The following RECQL4 variants were observed in gnomAD, a reference collection of about 807,000 sequenced individuals.
RECQL4 encodes the protein RecQ like helicase 4.
Under a neutral mutation model 128.6 loss-of-function variants are expected in RECQL4, and 158 were observed. That is an observed-to-expected ratio of 1.23 (90% CI 1.08 to 1.40). RECQL4 has a LOEUF of 1.40. Ranked by LOEUF, RECQL4 falls within the 40% of genes most tolerant of loss-of-function variation. The probability of loss-of-function intolerance (pLI) is 0.00; values close to 1 mark genes in which losing one functional copy is unlikely to be tolerated. For synonymous variants in RECQL4, 996 were observed against 678.9 expected (o/e 1.47, Z -7.26); for missense variants, 2,293 against 1,649.8 (o/e 1.39, Z -6.75).
rs778819494 is a variant in RECQL4 at position 144,512,207 on chromosome 8, C to A, written c.3173G>T (p.Arg1058Leu). Reference sequence around the variant, plus strand: ...GGCCTGGCGCTCCCGGGCCTGCACACGGCCATAGAGGAAGTCACATATCTG... The same window carrying A: ...GGCCTGGCGCTCCCGGGCCTGCACAAGGCCATAGAGGAAGTCACATATCTG... ...KDQICDFLYG[R>L]VQARERQALA... The change falls in exon 18 of 21, where the codon CGT becomes CTT. Residue 1058 changes from arginine to leucine, a missense_variant. Transcript: ENST00000617875. The A allele has an allele frequency of 1.9e-6, 3 of 1,612,098 alleles. No individual in the cohort carries two copies. Among genetic ancestry groups the A allele is most frequent in the South Asian group, 2.2e-5 (2 of 91,058 alleles).
Position 144,516,550 on chromosome 8 carries a change from C to G in RECQL4, c.569G>C (p.Trp190Ser), listed in dbSNP as rs2130726288. 1 of 1,609,956 alleles carries G rather than the reference C, an allele frequency of 6.2e-7. No homozygotes were observed. Residue 190 changes from tryptophan to serine, a missense_variant, in exon 5 of 21, where the codon TGG becomes TCG. Trp to Ser is a radical substitution (Grantham distance 177). Transcript: ENST00000617875. ...SQRLGSLDPG[W>S]LQRCHSEVPD... ...GACCTCACTGTGACATCGCTGTAACCAGCCAGGATCTAGGGAGCCCAGCCG... is the reference window on the plus strand; with the variant it reads ...GACCTCACTGTGACATCGCTGTAACGAGCCAGGATCTAGGGAGCCCAGCCG...
rs1350035847 is a variant in RECQL4, at chr8:144,512,039, G to A, written c.3265C>T (p.Leu1089=). 1 of 1,608,528 alleles carries A rather than the reference G, an allele frequency of 6.2e-7. No homozygotes were observed. Among genetic ancestry groups the A allele is most frequent in the Non-Finnish European group, 8.5e-7 (1 of 1,178,764 alleles). Residue 1089 remains leucine, a synonymous_variant, in exon 19 of 21, where the codon CTG becomes TTG. Coordinates refer to ENST00000617875, the MANE Select transcript of RECQL4 (RefSeq NM_004260.4). ...SVAFPSCGPC[L]EQQDEERSTR... ...CTGCGCTCCTCATCCTGCTGCTCCA[G>A]GCAGGGCCCGCAGCTGGGGAAGGCT...
At position 144,512,605 on chromosome 8, in the gene RECQL4, C is replaced by T. The variant is rs1284105101; in HGVS notation, c.2885+37G>A. On this transcript the variant is annotated intron_variant, in intron 16 of 20. Coordinates refer to ENST00000617875, the MANE Select transcript of RECQL4 (RefSeq NM_004260.4). Reference sequence around the variant, plus strand: ...GGACATGTGGCCAACAGCCCTGATTCTCCAACCTCGTCTCCAACTGGGCAG... The same window carrying T: ...GGACATGTGGCCAACAGCCCTGATTTTCCAACCTCGTCTCCAACTGGGCAG... The T allele has an allele frequency of 2.5e-6, 4 of 1,611,740 alleles. No homozygotes were observed. The African/African-American group carries it at 4.0e-5, about 16-fold the overall frequency.
Position 144,514,501 on chromosome 8 carries a change from T to C in RECQL4, c.1645A>G (p.Lys549Glu), listed in dbSNP as rs542466006. 1.2e-6 allele frequency: 2 copies of C among 1,611,896 alleles called. No homozygotes were observed. The highest frequency in any genetic ancestry group is 1.7e-6 in the Non-Finnish European group (2 of 1,179,496). ...DQVSGLPPCL[K>E]AACIHSGMTR... ...ATGCCCGAGTGTATGCAGGCCGCCTTGAGACACGGTGGCAGGCCAGACACC... is the reference window on the plus strand; with the variant it reads ...ATGCCCGAGTGTATGCAGGCCGCCTCGAGACACGGTGGCAGGCCAGACACC... Residue 549 changes from lysine (K) to glutamate (E), a missense_variant, in exon 10 of 21, where the codon AAG becomes GAG. Physicochemically the swap from Lys to Glu is moderately conservative, Grantham distance 56 (BLOSUM62 1). Coordinates refer to ENST00000617875, the MANE Select transcript of RECQL4 (RefSeq NM_004260.4).
intron 6 of RECQL4, 130 bp downstream of exon 6, chr8:144,515,634 G>A (rs1230877371): frequency 6.2e-6 from 9 of 1,449,512 alleles, no homozygotes; most frequent in East Asian, 2.4e-5. Flanking sequence ...CTCCTTCAGG[G>A]GAGCTAGGGT....
In RECQL4 at chr8:144,511,864, C is replaced by G. The variant is rs756882629; in HGVS notation, c.3393+47G>C. On this transcript the variant is annotated intron_variant, in intron 19 of 20. Coordinates refer to ENST00000617875, the MANE Select transcript of RECQL4 (RefSeq NM_004260.4). Reference sequence around the variant, plus strand: ...TCCACAGAGCAAGCCCCATGCAGCCCAGGGAACCTGCAACCCCGATGAGCT... The same window carrying G: ...TCCACAGAGCAAGCCCCATGCAGCCGAGGGAACCTGCAACCCCGATGAGCT... 4.3e-6 allele frequency: 7 copies of G among 1,610,320 alleles called. No individual in the cohort carries two copies. The African/African-American group carries it at 9.3e-5, about 21-fold the overall frequency.
chr8:144,517,013 G>A, intron 4 of RECQL4, 37 bp downstream of exon 4: 1 of 1,587,136 alleles, frequency 6.3e-7, no homozygotes, highest in South Asian at 1.1e-5. Flanking sequence ...AAGCAGCTGT[G>A]GACCTAGCGT....
rs778081949 is a variant in RECQL4 at position 144,513,006 on chromosome 8, C to G, written c.2596G>C (p.Gly866Arg). The G allele has an allele frequency of 6.4e-7, 1 of 1,570,642 alleles. No homozygotes were observed. The highest frequency in any genetic ancestry group is 8.6e-7 in the Non-Finnish European group (1 of 1,158,604). ...TCTRPPSEQE[G>R]AVGGERPVPK... ...ACAGGCCTCTCCCCACCCACGGCCC[C>G]TTCCTGCTCCGAGGGCGGCCTGGTG... Residue 866 changes from glycine (G) to arginine (R), a missense_variant, in exon 15 of 21, where the codon GGG (glycine) becomes CGG (arginine). Transcript: ENST00000617875.
At position 144,513,068 on chromosome 8, in the gene RECQL4, A is replaced by G; in HGVS notation, c.2534T>C (p.Leu845Pro). 1 of 1,579,542 alleles carries G rather than the reference A, an allele frequency of 6.3e-7. No individual in the cohort carries two copies. The highest frequency in any genetic ancestry group is 2.3e-5 in the East Asian group (1 of 43,502). The change falls in exon 15 of 21, where the codon CTG becomes CCG. Residue 845 changes from leucine (L) to proline (P), a missense_variant. Physicochemically the swap from Leu to Pro is moderately conservative, Grantham distance 98 (BLOSUM62 -3). Coordinates refer to ENST00000617875, the MANE Select transcript of RECQL4 (RefSeq NM_004260.4). ...DSTDFLAVKRLVQRVFPACTC... is the reference protein window; with the variant it reads ...DSTDFLAVKRPVQRVFPACTC... Reference sequence around the variant, plus strand: ...GCAGGCTGGGAACACGCGCTGTACCAGCCTCTTCACAGCCAGGAAGTCCGT... The same window carrying G: ...GCAGGCTGGGAACACGCGCTGTACCGGCCTCTTCACAGCCAGGAAGTCCGT...
Position 144,514,917 on chromosome 8 carries a change from C to T in RECQL4, c.1620+19G>A, listed in dbSNP as rs1196199983. On this transcript the variant is annotated intron_variant, in intron 9 of 20. Coordinates refer to ENST00000617875, the MANE Select transcript of RECQL4 (RefSeq NM_004260.4). ...TGGTTCTTGGCTGTGTACGTGTGCC[C>T]AGGGCCCTGTGTGCACACCTGGTCA... 6.2e-7 allele frequency: 1 copy of T among 1,609,928 alleles called. No individual in the cohort carries two copies. Among genetic ancestry groups the T allele is most frequent in the Non-Finnish European group, 8.5e-7 (1 of 1,179,118 alleles).
Position 144,515,108 on chromosome 8 carries a change from G to C in RECQL4, c.1484-36C>G, listed in dbSNP as rs763786134. On this transcript the variant is annotated intron_variant, in intron 8 of 20. Transcript: ENST00000617875. ...CGGGAGTCAGCAGCAGGGTTCTGCA[G>C]CCTGGCCTCAGCCCAGCCTCAGCCC... 5 of 1,584,614 alleles carry C rather than the reference G, an allele frequency of 3.2e-6. No individual in the cohort carries two copies. In the South Asian group the frequency reaches 4.6e-5, roughly 15 times the overall value.
In RECQL4 at chr8:144,512,140, C is replaced by T. The variant is rs575764344; in HGVS notation, c.3236+4G>A. The T allele has an allele frequency of 1.5e-5, 24 of 1,605,674 alleles. No homozygotes were observed. Among genetic ancestry groups the T allele is most frequent in the Middle Eastern group, 1.7e-4 (1 of 6,052 alleles). ...GTCCCAGGCCCCGCCCGCCTCCTCC[C>T]AACCTGTGAAAGGCCTGGAAGGTTC... is the stretch of plus-strand genomic sequence containing the variant. On this transcript the variant is annotated splice_donor_region_variant and intron_variant, in intron 18 of 20. Coordinates refer to ENST00000617875, the MANE Select transcript of RECQL4 (RefSeq NM_004260.4).
chr8:144,512,251 C>T lies in RECQL4; in HGVS notation c.3129G>A (p.Leu1043=). ...ATATCTGGTCCTTCTCCTCAGCGGT[C>T]AAGTCCCCCGGGCTGCGAAGGTGGA... ...LAFHLRSPGD[L]TAEEKDQICD... is the part of the protein sequence containing the mutation. The change falls in exon 18 of 21, where the codon TTG becomes TTA. Residue 1043 remains leucine, a synonymous_variant. Coordinates refer to ENST00000617875, the MANE Select transcript of RECQL4 (RefSeq NM_004260.4). The T allele has an allele frequency of 1.2e-6, 2 of 1,612,466 alleles. No homozygotes were observed. Among genetic ancestry groups the T allele is most frequent in the South Asian group, 1.1e-5 (1 of 91,074 alleles).
In RECQL4 at chr8:144,515,416, C is replaced by T. The variant is rs761938967; in HGVS notation, c.1300G>A (p.Val434Ile). The change falls in exon 7 of 21, where the codon GTT (valine) becomes ATT (isoleucine). Residue 434 changes from valine (V) to isoleucine (I), a missense_variant. Coordinates refer to ENST00000617875, the MANE Select transcript of RECQL4 (RefSeq NM_004260.4). The stretch of plus-strand genomic sequence containing the variant: ...TCAGGTACAGGTTGTGGTGAAGGAA[C>T]CAGTGGCTCAGGCCCAACAGCATCT... ...DTDAVGPEPLVPSPQPVPEVP... is the reference protein window; with the variant it reads ...DTDAVGPEPLIPSPQPVPEVP... The T allele has an allele frequency of 6.2e-7, 1 of 1,612,800 alleles. No homozygotes were observed. The highest frequency in any genetic ancestry group is 1.7e-5 in the Admixed American group (1 of 60,020).
intron 16 of RECQL4, 30 bp downstream of exon 16, chr8:144,512,612 C>T: frequency 6.2e-7 from 1 of 1,611,740 alleles, no homozygotes; most frequent in Non-Finnish European, 8.5e-7. Context: ...ATTCTCCAAC[C>T]TCGTCTCCAA....
rs1363197248 is a variant in RECQL4 at position 144,513,052 on chromosome 8, G to A, written c.2550C>T (p.Phe850=). Residue 850 remains phenylalanine (F), a synonymous_variant, in exon 15 of 21, where the codon TTC becomes TTT. Transcript: ENST00000617875. ...TGGTGCAGGTGCAGGTGCAGGCTGG[G>A]AACACGCGCTGTACCAGCCTCTTCA... The part of the protein sequence containing the change: ...LAVKRLVQRV[F]PACTCTCTRP... 1.9e-6 allele frequency: 3 copies of A among 1,579,908 alleles called. No homozygotes were observed. Among genetic ancestry groups the A allele is most frequent in the African/African-American group, 1.3e-5 (1 of 74,238 alleles).
Position 144,516,106 on chromosome 8 carries a change from G to T in RECQL4, c.1013C>A (p.Pro338His), listed in dbSNP as rs1554902388. The change falls in exon 5 of 21, where the codon CCC becomes CAC. Residue 338 changes from proline (P) to histidine (H), a missense_variant. Coordinates refer to ENST00000617875, the MANE Select transcript of RECQL4 (RefSeq NM_004260.4). ...ARAGKAEGTA[P>H]LHIFPRLARH... Reference sequence around the variant, plus strand: ...GGCCAGCCGAGGGAAGATGTGCAGGGGGGCTGTGCCCTCAGCCTTCCCAGC... The same window carrying T: ...GGCCAGCCGAGGGAAGATGTGCAGGTGGGCTGTGCCCTCAGCCTTCCCAGC... 1 of 1,612,874 alleles carries T rather than the reference G, an allele frequency of 6.2e-7. No homozygotes were observed. Among genetic ancestry groups the T allele is most frequent in the Non-Finnish European group, 8.5e-7 (1 of 1,179,866 alleles).
At position 144,515,459 on chromosome 8, in the gene RECQL4, T is replaced by C; in HGVS notation, c.1259-2A>G. ...CAGCATCTGTGTCTTCCTCACTTGCTGGGGCAGGCAGGAGAGGGTAGAATG... is the reference window on the plus strand; with the variant it reads ...CAGCATCTGTGTCTTCCTCACTTGCCGGGGCAGGCAGGAGAGGGTAGAATG... On this transcript the variant is annotated splice_acceptor_variant, in intron 6 of 20. Coordinates refer to ENST00000617875, the MANE Select transcript of RECQL4 (RefSeq NM_004260.4). LOFTEE classifies it high-confidence loss of function. 1.2e-6 allele frequency: 2 copies of C among 1,612,662 alleles called. No individual in the cohort carries two copies. The highest frequency in any genetic ancestry group is 1.7e-6 in the Non-Finnish European group (2 of 1,179,806).
In RECQL4 at chr8:144,516,575, G is replaced by A. The variant is rs750986351; in HGVS notation, c.544C>T (p.Arg182Trp). 2.1e-5 allele frequency: 33 copies of A among 1,609,452 alleles called. No individual in the cohort carries two copies. The highest frequency in any genetic ancestry group is 7.7e-5 in the South Asian group (7 of 90,680). Residue 182 changes from arginine to tryptophan, a missense_variant, in exon 5 of 21, where the codon CGG becomes TGG. Transcript: ENST00000617875. ...LQHLQASLSQRLGSLDPGWLQ... is the reference protein window; with the variant it reads ...LQHLQASLSQWLGSLDPGWLQ... ...CAGCCAGGATCTAGGGAGCCCAGCC[G>A]CTGGCTCAGGGATGCCTGCAGATGC...
Sources: gnomAD v4.1 joint callset for allele counts on GRCh38, gnomAD v4.1.1 for gene constraint, MANE v1.5 for transcripts, NCBI Gene and HGNC (gene_info 2026-07-23, HGNC 2026-07-21) for gene names.